ATXN1: variants seen among roughly 807,000 people sequenced by gnomAD.
The protein encoded by ATXN1 is ataxin-1.
ATXN1 carries 8 observed loss-of-function variants against 56.4 expected under a neutral mutation model. The ratio of observed to expected loss-of-function variants is 0.14; its 90% CI spans 0.08 to 0.26. The LOEUF is 0.26. Among genes scored for constraint, ATXN1 ranks in the 10% least tolerant of loss-of-function variants. ATXN1 has a pLI of 1.00. For synonymous variants in ATXN1, 514 were observed against 494.6 expected (o/e 1.04, Z -0.52); for missense variants, 987 against 1,106.5 (o/e 0.89, Z 1.53).
intron 7 of ATXN1, among the ~76,000 whole-genome samples, chr6:16,316,347 TTTTA>T (rs1760508078): frequency 6.6e-6 from 1 of 152,204 alleles, no homozygotes; most frequent in Non-Finnish European, 1.5e-5. Context: ...ATGCATTCTT[TTTTA>T]TTTACTTGTA....
rs181545373 is a variant in ATXN1, at chr6:16,609,373, T to A, written c.-488-23466A>T. Among the ~76,000 whole-genome samples, 459 of 152,234 alleles carry A rather than the reference T, an allele frequency of 3.0e-3. 2 individuals carry two copies. The highest frequency in any genetic ancestry group is 6.0e-3 in the Admixed American group (91 of 15,292). ...TAGCAGGACTCTGATGCCAGAAAAA[T>A]GCATCCTCTGCTACAAAGGGGGCTT... is the stretch of plus-strand genomic sequence containing the variant. On this transcript the variant is annotated intron_variant, in intron 3 of 7. Transcript: ENST00000436367.
Position 16,760,692 on chromosome 6 carries a change from C to G in ATXN1, c.-730+606G>C, listed in dbSNP as rs592845. 0.24 allele frequency among the ~76,000 whole-genome samples: 36,355 copies of G among 150,872 alleles called. 4,714 individuals carry two copies. Among genetic ancestry groups the G allele is most frequent in the Non-Finnish European group, 0.29 (19,841 of 67,526 alleles). ...AGGGGAGACCCCCGCCCCAGGGCGC[C>G]GAGGCCGGGCGACCACCCGCGGAGA... On this transcript the variant is annotated intron_variant, in intron 1 of 7. Transcript: ENST00000436367. This position sits in a 1 kb window ranked among gnomAD's most constrained non-coding sequence, Gnocchi z 5.3.
intron 3 of ATXN1, among the ~76,000 whole-genome samples, chr6:16,638,533 G>A (rs182077633): frequency 5.3e-4 from 80 of 151,212 alleles, no homozygotes; most frequent in South Asian, 2.3e-3. Context: ...GGAGCGAGAC[G>A]CCTTGACGCT....
In ATXN1 at chr6:16,326,787, T is replaced by A; in HGVS notation, c.1524A>T (p.Ile508=). The stretch of plus-strand genomic sequence containing the variant: ...CAGCAAACTGGGGGGATGACGTGAC[T>A]ATGGCCGGGGCTGCCCCCGACGCTT... ...DMEASGAAPA[I]VTSSPQFAAV... is the part of the protein sequence containing the mutation. Residue 508 remains isoleucine (I), a synonymous_variant, in exon 7 of 8, where the codon ATA becomes ATT. Transcript: ENST00000436367. This position sits in a 1 kb window ranked among gnomAD's most constrained non-coding sequence, Gnocchi z 6.6. The A allele has an allele frequency of 6.2e-7, 1 of 1,611,342 alleles. No individual in the cohort carries two copies. The highest frequency in any genetic ancestry group is 8.5e-7 in the Non-Finnish European group (1 of 1,178,140).
intron 5 of ATXN1, among the ~76,000 whole-genome samples, chr6:16,491,158 G>A (rs1024278506): frequency 9.3e-5 from 12 of 128,732 alleles, no homozygotes; most frequent in Admixed American, 2.9e-4. Context: ...GCAGTGGCAC[G>A]GTCTCACTCA....
intron 3 of ATXN1, among the ~76,000 whole-genome samples, chr6:16,622,672 C>T (rs1218991786): frequency 1.3e-5 from 2 of 152,062 alleles, no homozygotes; most frequent in Non-Finnish European, 2.9e-5. Context: ...TCTTTTTACC[C>T]AGCCATCTTT....
intron 3 of ATXN1, among the ~76,000 whole-genome samples, chr6:16,596,060 G>A (rs1006247522): frequency 1.3e-5 from 2 of 152,128 alleles, no homozygotes; most frequent in African/African-American, 2.4e-5. Flanking sequence ...GCAATGGCAC[G>A]ATCATAGCTC....
chr6:16,373,410 G>A (rs1762083972), intron 6 of ATXN1, among the ~76,000 whole-genome samples: 1 of 152,166 alleles, frequency 6.6e-6, no homozygotes, highest in African/African-American at 2.4e-5. Flanking sequence ...AAGACAAATG[G>A]CAGATGGAAA....
intron 6 of ATXN1, among the ~76,000 whole-genome samples, chr6:16,362,060 G>A (rs988068448): frequency 5.3e-5 from 8 of 152,192 alleles, no homozygotes; most frequent in African/African-American, 1.2e-4. Flanking sequence ...GGTGAGCCGG[G>A]TCAGCCCTGC....
chr6:16,560,089 G>T lies in ATXN1; in HGVS notation c.-361+25691C>A, dbSNP rs969207996. Among the ~76,000 whole-genome samples, 14 of 152,186 alleles carry T rather than the reference G, an allele frequency of 9.2e-5. No individual in the cohort carries two copies. The South Asian group carries it at 2.5e-3, about 27-fold the overall frequency. On this transcript the variant is annotated intron_variant, in intron 4 of 7. Coordinates refer to ENST00000436367, the MANE Select transcript of ATXN1 (RefSeq NM_001128164.2). ...AGCTGGAGATATGCCAACGAGAGGG[G>T]TTTGTTTAGATTTATCCTCAGGATG...
chr6:16,603,854 G>A (rs1339003289), intron 3 of ATXN1, among the ~76,000 whole-genome samples: 1 of 152,096 alleles, frequency 6.6e-6, no homozygotes, highest in Non-Finnish European at 1.5e-5. Context: ...AGTGGCAGAA[G>A]ATTGACGAAG....
intron 6 of ATXN1, among the ~76,000 whole-genome samples, chr6:16,442,082 C>A (rs564329569): frequency 2.0e-5 from 3 of 152,160 alleles, no homozygotes; most frequent in Non-Finnish European, 4.4e-5. Flanking sequence ...TTTGGACACT[C>A]AGGTAAAATG....
intron 3 of ATXN1, among the ~76,000 whole-genome samples, chr6:16,618,311 T>A (rs1303259438): frequency 6.6e-6 from 1 of 152,160 alleles, no homozygotes; most frequent in Non-Finnish European, 1.5e-5. Flanking sequence ...ACCGAATGCA[T>A]GCAGGGCTTA....
At chr6:16,308,995 G>C (rs1325884249) in intron 7 of ATXN1, among the ~76,000 whole-genome samples, 2 of 151,962 alleles carry the variant, frequency 1.3e-5, no homozygotes, top group Non-Finnish European at 2.9e-5. Context: ...GGGAGGCTGA[G>C]ACAGGGAGGA....
intron 2 of ATXN1, among the ~76,000 whole-genome samples, chr6:16,689,351 T>C (rs1030485273): frequency 1.3e-5 from 2 of 152,108 alleles, no homozygotes; most frequent in Non-Finnish European, 1.5e-5. Context: ...TATCACTCTC[T>C]TGCTCAGGCT....
At chr6:16,565,434 A>G (rs896635787) in intron 4 of ATXN1, among the ~76,000 whole-genome samples, 1 of 152,230 alleles carries the variant, frequency 6.6e-6, no homozygotes, top group Non-Finnish European at 1.5e-5. Context: ...TTGCCTAAAA[A>G]GTAATCTCTA....
chr6:16,414,256 C>A (rs1758858349), intron 6 of ATXN1, among the ~76,000 whole-genome samples: 1 of 152,138 alleles, frequency 6.6e-6, no homozygotes, highest in African/African-American at 2.4e-5. Context: ...AGTTCCTCAG[C>A]ATATTGTACC....
chr6:16,696,506 T>C (rs1759169200), intron 2 of ATXN1, among the ~76,000 whole-genome samples: 1 of 152,176 alleles, frequency 6.6e-6, no homozygotes. Context: ...AAATGTTGAG[T>C]TTTCTCCCCT....
At chr6:16,654,226 C>T (rs1332678800) in intron 3 of ATXN1, among the ~76,000 whole-genome samples, 4 of 152,052 alleles carry the variant, frequency 2.6e-5, no homozygotes, top group African/African-American at 7.2e-5. Context: ...GAAGCAGGCC[C>T]TAAATGTGAT....
Sources: allele counts gnomAD v4.1 joint callset (sites outside exome capture counted in the v4.1 genomes callset), GRCh38; gene constraint gnomAD v4.1.1; non-coding constraint Gnocchi (gnomAD v3.1); transcripts MANE v1.5; gene names NCBI Gene and HGNC (gene_info 2026-07-23, HGNC 2026-07-21).